Variants in MBD5 observed in about 807,000 individuals in gnomAD.
The protein encoded by MBD5 is methyl-CpG-binding domain protein 5.
Under a neutral mutation model 117.3 loss-of-function variants are expected in MBD5, and 13 were observed. The ratio of observed to expected loss-of-function variants is 0.11; its 90% confidence interval spans 0.07 to 0.18. The LOEUF (loss-of-function observed/expected upper bound fraction) is 0.18. MBD5 is among the 10% of genes least tolerant of loss of function. MBD5 has a pLI of 1.00. For synonymous variants in MBD5, 727 were observed against 766.4 expected, an observed-to-expected ratio of 0.95 and a Z score of 0.85; for missense variants, 1,879 against 2,093.8, an observed-to-expected ratio of 0.90 and a Z score of 2.00.
chr2:148,119,009 G>A (rs900138628), intron 1 of MBD5, among the ~76,000 whole-genome samples: 4 of 151,908 alleles, frequency 2.6e-5, no homozygotes, highest in Admixed American at 1.3e-4. Flanking sequence ...GTTTTTTTGT[G>A]GACATATGTT....
At position 148,469,066 on chromosome 2, in the gene MBD5, A is replaced by T. The variant is rs1341351484; in HGVS notation, c.1123A>T (p.Ile375Phe). Residue 375 changes from isoleucine to phenylalanine, a missense_variant, in exon 8 of 14, where the codon ATC (isoleucine) becomes TTC (phenylalanine). By Grantham distance (21) the Ile-to-Phe change is conservative. This residue lies in a region of MBD5 where 1,666 missense variants were observed against 1,792.2 expected (regional missense o/e 0.93). Transcript: ENST00000642680. ...TAAACCAGTGAATCAGAACCCTGTT[A>T]TCATTAATCCAACCAGTTTCCATTC... ...PSKPVNQNPV[I>F]INPTSFHSNV... 4 of 1,613,974 alleles carry T rather than the reference A, an allele frequency of 2.5e-6. No homozygotes were observed. In the South Asian group the frequency reaches 3.3e-5, roughly 13 times the overall value.
intron 1 of MBD5, among the ~76,000 whole-genome samples, chr2:148,169,894 A>C (rs1348387234): frequency 9.0e-6 from 1 of 110,754 alleles, no homozygotes; most frequent in Non-Finnish European, 1.7e-5. Flanking sequence ...CCAATAAGGG[A>C]TTCTTCTTTT....
chr2:148,117,719 GTATT>G (rs1221354101), intron 1 of MBD5, among the ~76,000 whole-genome samples: 1 of 152,112 alleles, frequency 6.6e-6, no homozygotes, highest in Non-Finnish European at 1.5e-5. Context: ...TGTTTATTAA[GTATT>G]TAACTGCATG....
chr2:148,334,874 T>A (rs1702747566), intron 3 of MBD5, among the ~76,000 whole-genome samples: 1 of 152,184 alleles, frequency 6.6e-6, no homozygotes, highest in Non-Finnish European at 1.5e-5. Context: ...ACCCTTGTAC[T>A]CAGTCTCAGG....
intron 1 of MBD5, among the ~76,000 whole-genome samples, chr2:148,063,048 TTA>T (rs1695083678): frequency 6.6e-6 from 1 of 152,194 alleles, no homozygotes; most frequent in Non-Finnish European, 1.5e-5. Flanking sequence ...CTTAACCACT[TTA>T]TGTTTTAGTA....
At chr2:148,204,159 C>A (rs1380646405) in intron 2 of MBD5, among the ~76,000 whole-genome samples, 1 of 152,162 alleles carries the variant, frequency 6.6e-6, no homozygotes, top group African/African-American at 2.4e-5. Context: ...CTGGAAAAGA[C>A]ATCATGAAAC....
intron 1 of MBD5, among the ~76,000 whole-genome samples, chr2:148,048,213 T>C (rs527997199): frequency 1.5e-3 from 228 of 152,308 alleles, no homozygotes; most frequent in Non-Finnish European, 2.6e-3. Context: ...AGAGGGATAA[T>C]GCATACAAAG....
intron 13 of MBD5, chr2:148,512,182 C>G: frequency 6.4e-6 from 1 of 156,926 alleles, no homozygotes; most frequent in Non-Finnish European, 1.4e-5. Context: ...TACCTGCTAT[C>G]TAATGCTGCT....
At position 148,483,184 on chromosome 2, in the gene MBD5, C is replaced by T; in HGVS notation, c.2593C>T (p.Leu865Phe). Residue 865 changes from leucine to phenylalanine, a missense_variant, in exon 9 of 14, where the codon CTT becomes TTT. Transcript: ENST00000642680. ...TGCCATCACAAAGACAACATCTGTT[C>T]TTCAAGATGGCGTCATAGTCACCAC... ...HPAITKTTSV[L>F]QDGVIVTTAA... 1 of 1,613,570 alleles carries T rather than the reference C, an allele frequency of 6.2e-7. No homozygotes were observed. Among genetic ancestry groups the T allele is most frequent in the African/African-American group, 1.3e-5 (1 of 74,894 alleles).
chr2:148,461,852 T>C (rs77765280), intron 5 of MBD5, among the ~76,000 whole-genome samples: 1,571 of 152,256 alleles, frequency 0.01, 34 homozygotes, highest in African/African-American at 0.035. Context: ...CTTCGTAACA[T>C]TGAAGTACCT....
At chr2:148,466,729 C>T (rs942337676) in intron 7 of MBD5, among the ~76,000 whole-genome samples, 2 of 152,114 alleles carry the variant, frequency 1.3e-5, no homozygotes, top group East Asian at 3.9e-4. Context: ...TGGATCTCAA[C>T]TTTTCATATA....
intron 3 of MBD5, among the ~76,000 whole-genome samples, chr2:148,241,519 T>C (rs981238098): frequency 6.6e-6 from 1 of 152,168 alleles, no homozygotes; most frequent in Non-Finnish European, 1.5e-5. Context: ...TCCCCATGCA[T>C]GTACAGTTTA....
At chr2:148,481,222 G>A (rs1681142275) in intron 8 of MBD5, among the ~76,000 whole-genome samples, 1 of 152,094 alleles carries the variant, frequency 6.6e-6, no homozygotes. Context: ...GGCTTTATCA[G>A]AGTGGTTCAA....
At chr2:148,383,743 A>T (rs1042137476) in intron 4 of MBD5, among the ~76,000 whole-genome samples, 35 of 152,184 alleles carry the variant, frequency 2.3e-4, no homozygotes, top group Non-Finnish European at 5.0e-4. Context: ...CCAGCAACAC[A>T]TCAAAAAGCT....
chr2:148,304,555 A>G (rs1701845767), intron 3 of MBD5, among the ~76,000 whole-genome samples: 1 of 152,196 alleles, frequency 6.6e-6, no homozygotes. Flanking sequence ...GTTAAAGAAA[A>G]ATATTATGGA....
chr2:148,265,136 T>G (rs1197603444), intron 3 of MBD5: 2 of 152,122 alleles, frequency 1.3e-5, no homozygotes, highest in Non-Finnish European at 1.5e-5. Context: ...TCATTAAATT[T>G]GTAACAGCAT....
chr2:148,070,352 A>G (rs1695317574), intron 1 of MBD5, among the ~76,000 whole-genome samples: 1 of 152,140 alleles, frequency 6.6e-6, no homozygotes, highest in Non-Finnish European at 1.5e-5. Flanking sequence ...GTGATTTGAT[A>G]TTGGTAGCAT....
chr2:148,356,445 T>C (rs1703382489), intron 4 of MBD5, among the ~76,000 whole-genome samples: 1 of 152,150 alleles, frequency 6.6e-6, no homozygotes, highest in Non-Finnish European at 1.5e-5. Context: ...CCCACTGGAC[T>C]GTAAGCTTCA....
chr2:148,317,138 C>T (rs1452666272), intron 3 of MBD5, among the ~76,000 whole-genome samples: 3 of 152,090 alleles, frequency 2.0e-5, no homozygotes, highest in African/African-American at 2.4e-5. Context: ...CACCTGAGGT[C>T]GGGAGTTCAA....
Sources: allele counts gnomAD v4.1 joint callset (sites outside exome capture counted in the v4.1 genomes callset), GRCh38; gene constraint gnomAD v4.1.1; regional missense constraint gnomAD v4.1.1; transcripts MANE v1.5; gene names NCBI Gene and HGNC (gene_info 2026-07-23, HGNC 2026-07-21).